POU6F2: variants seen among roughly 807,000 people sequenced by gnomAD.
POU6F2 encodes the protein POU class 6 homeobox 2, also known as POU domain, class 6, transcription factor 2.
Under a neutral mutation model 71.3 loss-of-function variants are expected in POU6F2, and 31 were observed. The ratio of observed to expected loss-of-function variants is 0.43; its 90% CI spans 0.33 to 0.59. POU6F2 has a LOEUF of 0.59. POU6F2 is among the 20% of genes least tolerant of loss of function. The probability of loss-of-function intolerance (pLI) is 0.04; values close to 1 mark genes in which losing one functional copy is unlikely to be tolerated. For synonymous variants in POU6F2, 347 were observed against 355.7 expected (o/e 0.98, Z 0.27); for missense variants, 783 against 856.8 (o/e 0.91, Z 1.07).
chr7:39,057,222 T>C (rs1191741739), intron 1 of POU6F2, among the ~76,000 whole-genome samples: 1 of 152,112 alleles, frequency 6.6e-6, no homozygotes, highest in Non-Finnish European at 1.5e-5. Flanking sequence ...CTCATTCTCC[T>C]TACTACTTTT....
intron 4 of POU6F2, among the ~76,000 whole-genome samples, chr7:39,222,727 A>G (rs1794394900): frequency 2.0e-5 from 3 of 152,234 alleles, no homozygotes; most frequent in Admixed American, 2.0e-4. Context: ...ATGTTGTAGC[A>G]TATGTCAGAA....
chr7:39,386,845 A>T (rs1238673649), intron 5 of POU6F2, among the ~76,000 whole-genome samples: 1 of 152,230 alleles, frequency 6.6e-6, no homozygotes, highest in African/African-American at 2.4e-5. Flanking sequence ...ACACAAAAAC[A>T]TCTTTAAATA....
At chr7:39,132,916 A>T (rs1792318908) in intron 2 of POU6F2, among the ~76,000 whole-genome samples, 1 of 152,126 alleles carries the variant, frequency 6.6e-6, no homozygotes, top group African/African-American at 2.4e-5. Context: ...GACTAGTTTA[A>T]AGTTAAGATA....
At chr7:39,109,457 T>C (rs1319117393) in intron 2 of POU6F2, among the ~76,000 whole-genome samples, 1 of 152,236 alleles carries the variant, frequency 6.6e-6, no homozygotes, top group Non-Finnish European at 1.5e-5. Flanking sequence ...ATGTCTCACC[T>C]GAGTTGGTCT....
At chr7:38,991,883 A>T (rs1442352071) in intron 1 of POU6F2, among the ~76,000 whole-genome samples, 2 of 149,086 alleles carry the variant, frequency 1.3e-5, no homozygotes, top group African/African-American at 2.5e-5. Flanking sequence ...CTCTATCTTT[A>T]TCTGTCTTTA....
intron 2 of POU6F2, among the ~76,000 whole-genome samples, chr7:39,142,845 T>C (rs908548052): frequency 8.5e-5 from 13 of 152,234 alleles, no homozygotes; most frequent in African/African-American, 3.1e-4. Context: ...ATCTTCCACA[T>C]GTCATATGCT....
chr7:39,432,668 A>G (rs28625432), intron 6 of POU6F2, among the ~76,000 whole-genome samples: 50,757 of 151,566 alleles, frequency 0.33, 9,530 homozygotes, highest in East Asian at 0.58. Flanking sequence ...CCTAGTTCAG[A>G]AAGTGTGGAG....
chr7:39,178,007 G>A lies in POU6F2; in HGVS notation c.278-26228G>A, dbSNP rs148193542. ...GTGGTGGATCACGCCTGTAATCATA[G>A]CACTTTGGGAGGCCGAGGTGGGTGG... On this transcript the variant is annotated intron_variant, in intron 2 of 9. Coordinates refer to ENST00000518318, the MANE Select transcript of POU6F2 (RefSeq NM_001370959.1). 4.7e-3 allele frequency among the ~76,000 whole-genome samples: 714 copies of A among 152,242 alleles called. 9 individuals carry two copies. Among genetic ancestry groups the A allele is most frequent in the African/African-American group, 0.016 (677 of 41,554 alleles).
chr7:39,039,216 A>C (rs1356882626), intron 1 of POU6F2, among the ~76,000 whole-genome samples: 1 of 152,006 alleles, frequency 6.6e-6, no homozygotes. Flanking sequence ...ACCATGGTCA[A>C]AAGTTCTGTT....
intron 5 of POU6F2, among the ~76,000 whole-genome samples, chr7:39,354,284 C>T (rs1786208254): frequency 6.6e-6 from 1 of 152,212 alleles, no homozygotes; most frequent in African/African-American, 2.4e-5. Context: ...TCCATTTAAC[C>T]TCCTTTTAGT....
At chr7:39,186,653 T>C (rs910071728) in intron 2 of POU6F2, among the ~76,000 whole-genome samples, 14 of 152,224 alleles carry the variant, frequency 9.2e-5, no homozygotes, top group Admixed American at 7.9e-4. Flanking sequence ...CTTTCATTCT[T>C]CTTCCACTAC....
At chr7:39,011,062 C>G (rs1308593828) in intron 1 of POU6F2, among the ~76,000 whole-genome samples, 2 of 123,728 alleles carry the variant, frequency 1.6e-5, no homozygotes, top group African/African-American at 5.9e-5. Context: ...GAGCTGAGTT[C>G]AATTCCTGGG....
chr7:39,025,638 T>A (rs544631192), intron 1 of POU6F2, among the ~76,000 whole-genome samples: 2 of 151,710 alleles, frequency 1.3e-5, no homozygotes. Flanking sequence ...CCTAAAACCA[T>A]AAAAACCCTA....
intron 5 of POU6F2, among the ~76,000 whole-genome samples, chr7:39,397,324 T>TTA (rs59584919): frequency 1.0e-4 from 15 of 145,668 alleles, no homozygotes; most frequent in African/African-American, 3.3e-4. Flanking sequence ...AGTATATATA[T>TTA]TATATATATA....
chr7:39,089,773 G>A lies in POU6F2; in HGVS notation c.277+3742G>A, dbSNP rs77894476. Among the ~76,000 whole-genome samples, 16 of 152,302 alleles carry A rather than the reference G, an allele frequency of 1.1e-4. No individual in the cohort carries two copies. The East Asian group carries it at 2.5e-3, about 24-fold the overall frequency. ...AAAGTTTTCCCATGCACTCTCAGCC[G>A]AAGAAGTGAGATCTCATAAAACATG... On this transcript the variant is annotated intron_variant, in intron 2 of 9. Coordinates refer to ENST00000518318, the MANE Select transcript of POU6F2 (RefSeq NM_001370959.1).
intron 5 of POU6F2, among the ~76,000 whole-genome samples, chr7:39,344,536 C>G (rs989051072): frequency 2.0e-5 from 3 of 152,008 alleles, no homozygotes; most frequent in Non-Finnish European, 4.4e-5. Flanking sequence ...AAATAAAGAG[C>G]CCAAAGCCTT....
intron 1 of POU6F2, among the ~76,000 whole-genome samples, chr7:38,982,546 C>T (rs1464139022): frequency 1.3e-5 from 2 of 151,968 alleles, no homozygotes; most frequent in Non-Finnish European, 2.9e-5. Context: ...TACATTTCAC[C>T]AGATGGACTT....
rs776827622 is a variant in POU6F2, at chr7:39,085,962, G to C, written c.208G>C (p.Glu70Gln). 3 of 1,613,678 alleles carry C rather than the reference G, an allele frequency of 1.9e-6. No individual in the cohort carries two copies. Among genetic ancestry groups the C allele is most frequent in the Non-Finnish European group, 2.5e-6 (3 of 1,179,794 alleles). Reference protein sequence around the residue: ...GEDKAATSDSELNEPLLAPVE... With the variant: ...GEDKAATSDSQLNEPLLAPVE... ...GGACAAGGCTGCTACTTCAGACAGC[G>C]AGCTGAATGAGCCCCTGCTTGCGCC... The change falls in exon 2 of 10, where the codon GAG becomes CAG. Residue 70 changes from glutamate (E) to glutamine (Q), a missense_variant. By Grantham distance (29) the Glu-to-Gln change is conservative. Around this residue, in one of 2 missense-constraint regions of POU6F2, gnomAD observed 572 missense variants for 572.9 expected, o/e 1.00. Transcript: ENST00000518318.
intron 5 of POU6F2, among the ~76,000 whole-genome samples, chr7:39,401,461 A>C (rs1445798869): frequency 1.3e-5 from 2 of 152,280 alleles, no homozygotes; most frequent in Non-Finnish European, 2.9e-5. Context: ...AACACACATC[A>C]ACCACGTTGT....
Sources: allele counts gnomAD v4.1 joint callset (sites outside exome capture counted in the v4.1 genomes callset), GRCh38; gene constraint gnomAD v4.1.1; regional missense constraint gnomAD v4.1.1; transcripts MANE v1.5; gene names NCBI Gene and HGNC (gene_info 2026-07-23, HGNC 2026-07-21).